The following IQCH variants were observed in gnomAD, a reference collection of about 807,000 sequenced individuals.
The protein encoded by IQCH is IQ motif containing H.
Under a neutral mutation model 117.0 loss-of-function variants are expected in IQCH, and 98 were observed. The observed-to-expected ratio is 0.84, with a 90% CI of 0.71 to 0.99. The LOEUF (loss-of-function observed/expected upper bound fraction) is 0.99, where lower values mean the gene tolerates loss of function less well. Among genes scored for constraint, IQCH ranks in the 50% least tolerant of loss-of-function variants. The pLI, the probability that IQCH is intolerant of heterozygous loss-of-function variation, is 0.00. For missense variants in IQCH, 1,102 were observed against 1,243.8 expected (o/e 0.89, Z 1.72); for synonymous variants, 412 against 448.2 (o/e 0.92, Z 1.02).
At position 67,467,832 on chromosome 15, in the gene IQCH, G is replaced by T. The variant is rs2082972266; in HGVS notation, c.2676+2535G>T. Among the ~76,000 whole-genome samples the T allele has an allele frequency of 6.6e-6, 1 of 152,190 alleles. No homozygotes were observed. The highest frequency in any genetic ancestry group is 1.5e-5 in the Non-Finnish European group (1 of 68,032). On this transcript the variant is annotated intron_variant, in intron 17 of 20. Transcript: ENST00000335894. The surrounding 1 kb of genome is among the most constrained non-coding windows in gnomAD (Gnocchi z 5.7). ...ATGAAACCACAATGATAATGAGAGC[G>T]CATTCAAAACTAATGCCTATAAAAT...
chr15:67,272,058 T>G (rs8038044), intron 3 of IQCH, among the ~76,000 whole-genome samples: 100,632 of 151,884 alleles, frequency 0.66, 34,200 homozygotes, highest in Middle Eastern at 0.83. Context: ...TTTATTGTTG[T>G]AAACTTTCCT....
rs1279916906 is a variant in IQCH, at chr15:67,359,940, C to A, written c.753+55C>A. On this transcript the variant is annotated intron_variant, in intron 8 of 20. Transcript: ENST00000335894. The surrounding 1 kb of genome is among the most constrained non-coding windows in gnomAD (Gnocchi z 4.5). ...TAGGGTCTGTCACCTGATGTCCCTT[C>A]CTTTTGCTGCAGGGCAAGAGTATGG... 2.1e-6 allele frequency: 3 copies of A among 1,417,096 alleles called. No homozygotes were observed. The highest frequency in any genetic ancestry group is 3.0e-6 in the Non-Finnish European group (3 of 1,000,838). The allele number at this position is 1,417,096 out of a possible 1,614,324, so 87.8% of individuals were successfully genotyped here.
At chr15:67,270,630 C>T (rs1047440070) in intron 3 of IQCH, among the ~76,000 whole-genome samples, 7 of 152,142 alleles carry the variant, frequency 4.6e-5, no homozygotes, top group African/African-American at 1.7e-4. Context: ...GCACCTCTTC[C>T]TCTCTCTTGC....
Position 67,417,356 on chromosome 15 carries a change from A to C in IQCH, c.2218+305A>C, listed in dbSNP as rs1418775251. On this transcript the variant is annotated intron_variant, in intron 15 of 20. Transcript: ENST00000335894. The surrounding 1 kb of genome is among the most constrained non-coding windows in gnomAD (Gnocchi z 4.3). ...GATTACCTGGGTCTGGACCCCATCCATGACCTTGAGCAAGGTTCTTAAACC... is the reference window on the plus strand; with the variant it reads ...GATTACCTGGGTCTGGACCCCATCCCTGACCTTGAGCAAGGTTCTTAAACC... 6.6e-6 allele frequency among the ~76,000 whole-genome samples: 1 copy of C among 152,176 alleles called. No homozygotes were observed. The highest frequency in any genetic ancestry group is 2.4e-5 in the African/African-American group (1 of 41,434).
At position 67,335,249 on chromosome 15, in the gene IQCH, C is replaced by A. The variant is rs115115882; in HGVS notation, c.388-1726C>A. 6.5e-3 allele frequency among the ~76,000 whole-genome samples: 994 copies of A among 152,266 alleles called. 11 individuals carry two copies. The highest frequency in any genetic ancestry group is 0.023 in the African/African-American group (953 of 41,558). On this transcript the variant is annotated intron_variant, in intron 4 of 20. Coordinates refer to ENST00000335894, the MANE Select transcript of IQCH (RefSeq NM_001031715.3). ...CTACTGTCCTCTCCTTTGTGTCATC[C>A]TTTATGTTGTGTTTTATGTTCGATC... is the stretch of plus-strand genomic sequence containing the variant.
rs2082722579 is a variant in IQCH, at chr15:67,458,876, G to T, written c.2506-6251G>T. Reference sequence around the variant, plus strand: ...CCGTGTATCACAGTTCACCCTGAAGGCTGGATGCCATTTCTGGCGTGGGTG... The same window carrying T: ...CCGTGTATCACAGTTCACCCTGAAGTCTGGATGCCATTTCTGGCGTGGGTG... On this transcript the variant is annotated intron_variant, in intron 16 of 20. Transcript: ENST00000335894. The surrounding 1 kb of genome is among the most constrained non-coding windows in gnomAD (Gnocchi z 4.1). 6.6e-6 allele frequency among the ~76,000 whole-genome samples: 1 copy of T among 152,240 alleles called. No homozygotes were observed. The highest frequency in any genetic ancestry group is 2.4e-5 in the African/African-American group (1 of 41,462).
At chr15:67,487,274 A>G (rs898143767) in intron 18 of IQCH, among the ~76,000 whole-genome samples, 2 of 152,192 alleles carry the variant, frequency 1.3e-5, no homozygotes, top group Admixed American at 6.5e-5. Flanking sequence ...TAGAGGTTGC[A>G]GTGAGCCAAG....
chr15:67,343,509 C>T (rs1375788163), intron 5 of IQCH, among the ~76,000 whole-genome samples: 2 of 152,198 alleles, frequency 1.3e-5, no homozygotes, highest in African/African-American at 2.4e-5. Context: ...AAATTAGTTA[C>T]ATTAATACTA....
At position 67,403,974 on chromosome 15, in the gene IQCH, C is replaced by T. The variant is rs141856458; in HGVS notation, c.2097+3669C>T. The T allele has an allele frequency of 6.6e-5, 10 of 152,298 alleles. 1 individual carries two copies. In the East Asian group the frequency reaches 1.9e-3, roughly 29 times the overall value. 9.4% of individuals were successfully genotyped at this position (152,298 alleles called of 1,614,324 possible). On this transcript the variant is annotated intron_variant, in intron 14 of 20. Coordinates refer to ENST00000335894, the MANE Select transcript of IQCH (RefSeq NM_001031715.3). The surrounding 1 kb of genome is among the most constrained non-coding windows in gnomAD (Gnocchi z 4.8). The stretch of plus-strand genomic sequence containing the variant: ...TTGGGCCTCTGTTACCCTGGAGATT[C>T]TGGGATGTGGTCTTGGCATTACTAT...
intron 3 of IQCH, among the ~76,000 whole-genome samples, chr15:67,266,807 A>G (rs150287495): frequency 6.6e-6 from 1 of 152,174 alleles, no homozygotes; most frequent in East Asian, 1.9e-4. Flanking sequence ...GTTGGATTGG[A>G]TCATCATCAT....
chr15:67,372,379 A>T lies in IQCH; in HGVS notation c.1022A>T (p.Asp341Val), dbSNP rs1021034589. ...CTGACGAATAAACTTACCAGATATG[A>T]CCTTCTCTCAGTGTTAGAGGACCCA... ...FELTNKLTRY[D>V]LLSVLEDPAH... Residue 341 changes from aspartate (D) to valine (V), a missense_variant, in exon 9 of 21, where the codon GAC becomes GTC. Transcript: ENST00000335894. The T allele has an allele frequency of 5.6e-6, 9 of 1,614,132 alleles. No homozygotes were observed. Among genetic ancestry groups the T allele is most frequent in the Non-Finnish European group, 6.8e-6 (8 of 1,180,006 alleles).
At chr15:67,498,774 T>C (rs987594547) in intron 20 of IQCH, among the ~76,000 whole-genome samples, 1 of 152,072 alleles carries the variant, frequency 6.6e-6, no homozygotes, top group Non-Finnish European at 1.5e-5. Flanking sequence ...AAAATAAAAA[T>C]AGATAAATCA....
chr15:67,369,086 A>C lies in IQCH; in HGVS notation c.754-3025A>C, dbSNP rs192551687. On this transcript the variant is annotated intron_variant, in intron 8 of 20. Coordinates refer to ENST00000335894, the MANE Select transcript of IQCH (RefSeq NM_001031715.3). This position sits in a 1 kb window ranked among gnomAD's most constrained non-coding sequence, Gnocchi z 5.2. ...AATTTTAGAATGCAACACTGGGTCTATCTTTTTTGCTTAACATCTGTGACT... is the reference window on the plus strand; with the variant it reads ...AATTTTAGAATGCAACACTGGGTCTCTCTTTTTTGCTTAACATCTGTGACT... Among the ~76,000 whole-genome samples, 2 of 152,144 alleles carry C rather than the reference A, an allele frequency of 1.3e-5. No individual in the cohort carries two copies. The highest frequency in any genetic ancestry group is 2.9e-5 in the Non-Finnish European group (2 of 68,024).
At chr15:67,368,577 C>T (rs1426811495) in intron 8 of IQCH, among the ~76,000 whole-genome samples, 1 of 152,186 alleles carries the variant, frequency 6.6e-6, no homozygotes, top group Middle Eastern at 3.2e-3. Flanking sequence ...AGTGCAATTG[C>T]CTGGGCTAAT....
At chr15:67,354,657 A>G (rs1255117248) in intron 6 of IQCH, among the ~76,000 whole-genome samples, 2 of 152,206 alleles carry the variant, frequency 1.3e-5, no homozygotes, top group African/African-American at 2.4e-5. Flanking sequence ...AGAGACGGGA[A>G]CAGGTAGTAC....
At chr15:67,269,631 C>A (rs762368764) in intron 3 of IQCH, among the ~76,000 whole-genome samples, 17 of 151,922 alleles carry the variant, frequency 1.1e-4, no homozygotes, top group Non-Finnish European at 1.9e-4. Flanking sequence ...CTCTCTTCAA[C>A]CACCCCTCAT....
chr15:67,305,625 C>T (rs1967256770), intron 4 of IQCH, among the ~76,000 whole-genome samples: 3 of 152,138 alleles, frequency 2.0e-5, no homozygotes, highest in Admixed American at 1.3e-4. Flanking sequence ...TGGTTTTCCT[C>T]TTCCATCTAG....
chr15:67,367,015 AG>A (rs1279656470), intron 8 of IQCH, among the ~76,000 whole-genome samples: 1 of 152,110 alleles, frequency 6.6e-6, no homozygotes, highest in Non-Finnish European at 1.5e-5. Context: ...ATACCCCTGC[AG>A]GGGTGACACA....
In IQCH at chr15:67,500,575, C is replaced by A; in HGVS notation, c.2971-58C>A. ...GGTGAACTCCCAAAAGGACCAGATG[C>A]TTGGGGGAGAGGGATTGTAAGAGGT... On this transcript the variant is annotated intron_variant, in intron 20 of 20. Coordinates refer to ENST00000335894, the MANE Select transcript of IQCH (RefSeq NM_001031715.3). The surrounding 1 kb of genome is among the most constrained non-coding windows in gnomAD (Gnocchi z 4.4). The A allele has an allele frequency of 3.5e-6, 3 of 846,108 alleles. No individual in the cohort carries two copies. Among genetic ancestry groups the A allele is most frequent in the Non-Finnish European group, 5.7e-6 (3 of 524,994 alleles). The allele number at this position is 846,108 out of a possible 1,614,324, so 52.4% of individuals were successfully genotyped here.
Sources: allele counts gnomAD v4.1 joint callset (sites outside exome capture counted in the v4.1 genomes callset), GRCh38; gene constraint gnomAD v4.1.1; non-coding constraint Gnocchi (gnomAD v3.1); transcripts MANE v1.5; gene names NCBI Gene and HGNC (gene_info 2026-07-23, HGNC 2026-07-21).